Variants in ZRANB3 observed in about 807,000 individuals in gnomAD.
ZRANB3 encodes the protein DNA annealing helicase and endonuclease ZRANB3.
In ZRANB3, 125 loss-of-function variants were observed where a neutral mutation model predicts 133.8. That is an observed-to-expected ratio of 0.93 (90% CI 0.81 to 1.08). ZRANB3 has a LOEUF of 1.08. ZRANB3 is among the 50% of genes least tolerant of loss of function. The pLI, the probability that ZRANB3 is intolerant of heterozygous loss-of-function variation, is 0.00. For missense variants in ZRANB3, 1,229 were observed against 1,275.5 expected, an observed-to-expected ratio of 0.96 and a Z score of 0.56; for synonymous variants, 387 against 432.7, an observed-to-expected ratio of 0.89 and a Z score of 1.31.
At chr2:135,213,891 A>G (rs1156451010) in intron 17 of ZRANB3, among the ~76,000 whole-genome samples, 1 of 152,186 alleles carries the variant, frequency 6.6e-6, no homozygotes, top group Admixed American at 6.5e-5. Context: ...TAAAAGCAGA[A>G]GACGAAGGCA....
At chr2:135,228,131 C>A in intron 13 of ZRANB3, 116 bp from the exon 14 acceptor site, 1 of 897,906 alleles carries the variant, frequency 1.1e-6, no homozygotes, top group South Asian at 1.9e-5. Context: ...TTCATATGTT[C>A]AAAACATTTA....
intron 12 of ZRANB3, among the ~76,000 whole-genome samples, chr2:135,242,671 T>C (rs973851598): frequency 6.6e-6 from 1 of 152,158 alleles, no homozygotes; most frequent in Admixed American, 6.5e-5. Context: ...TCCTCTATCT[T>C]ATCTTTCTAG....
chr2:135,217,407 T>G (rs1283106220), intron 17 of ZRANB3, 58 bp downstream of exon 17: 2 of 1,478,032 alleles, frequency 1.4e-6, no homozygotes, highest in African/African-American at 1.4e-5. Flanking sequence ...CAGACCCCCC[T>G]GTAGAAAGAA....
Position 135,390,832 on chromosome 2 carries a change from A to T in ZRANB3, c.162-12T>A, listed in dbSNP as rs2043758. On this transcript the variant is annotated splice_polypyrimidine_tract_variant and intron_variant, in intron 2 of 20. Transcript: ENST00000264159. ...CAGCCACCATACACCTGGAAAAAAA[A>T]AAAAAAAAAAATTAATTATCAGAGT... 136,330 of 1,496,866 alleles carry T rather than the reference A, an allele frequency of 0.091. 7,723 individuals are homozygous for T. Among genetic ancestry groups the T allele is most frequent in the South Asian group, 0.27 (20,077 of 75,506 alleles). 92.7% of individuals were successfully genotyped at this position (1,496,866 alleles called of 1,614,324 possible). A position where few individuals can be genotyped will look rare whatever the true frequency, so the allele number is the denominator to read the frequency against.
At chr2:135,444,832 C>T (rs1347215160) in intron 2 of ZRANB3, among the ~76,000 whole-genome samples, 5 of 151,990 alleles carry the variant, frequency 3.3e-5, no homozygotes, top group Admixed American at 1.3e-4. Context: ...GCTATTAAAG[C>T]GGTAGGCGTG....
intron 2 of ZRANB3, among the ~76,000 whole-genome samples, chr2:135,401,349 GT>G (rs1687721181): frequency 6.6e-6 from 1 of 152,206 alleles, no homozygotes; most frequent in African/African-American, 2.4e-5. Context: ...CAAAGTTGAT[GT>G]GATCTTTATG....
At chr2:135,389,867 G>T (rs1472605601) in intron 3 of ZRANB3, among the ~76,000 whole-genome samples, 5 of 146,934 alleles carry the variant, frequency 3.4e-5, no homozygotes, top group Admixed American at 2.0e-4. Flanking sequence ...TGTATGTTTT[G>T]CTGTTATTCT....
chr2:135,349,434 A>G (rs1010759362), intron 5 of ZRANB3, among the ~76,000 whole-genome samples: 3 of 152,208 alleles, frequency 2.0e-5, no homozygotes, highest in African/African-American at 7.2e-5. Context: ...CATTCCACGT[A>G]CTACCCATCT....
intron 12 of ZRANB3, among the ~76,000 whole-genome samples, chr2:135,233,701 T>C (rs568558991): frequency 5.9e-5 from 9 of 152,266 alleles, no homozygotes; most frequent in African/African-American, 1.9e-4. Context: ...CTAAGCTTCA[T>C]AAGTGAAGGA....
intron 16 of ZRANB3, among the ~76,000 whole-genome samples, chr2:135,218,555 A>G (rs1034039648): frequency 6.6e-6 from 1 of 152,092 alleles, no homozygotes; most frequent in Non-Finnish European, 1.5e-5. Context: ...AAAATAGCAC[A>G]CAGCATGCTA....
At chr2:135,240,776 C>A (rs1420068000) in intron 12 of ZRANB3, among the ~76,000 whole-genome samples, 1 of 152,032 alleles carries the variant, frequency 6.6e-6, no homozygotes, top group Non-Finnish European at 1.5e-5. Context: ...GATTGAGTTT[C>A]AACATGTTGC....
chr2:135,398,203 C>T (rs1403317568), intron 2 of ZRANB3, among the ~76,000 whole-genome samples: 1 of 151,808 alleles, frequency 6.6e-6, no homozygotes, highest in Admixed American at 6.6e-5. Flanking sequence ...GTAGCTGGGA[C>T]TATAGGTGCC....
chr2:135,343,030 A>C lies in ZRANB3; in HGVS notation c.677+2520T>G, dbSNP rs1255134845. 2.1e-4 allele frequency among the ~76,000 whole-genome samples: 31 copies of C among 146,226 alleles called. 1 individual carries two copies. Among genetic ancestry groups the C allele is most frequent in the African/African-American group, 8.3e-4 (31 of 37,270 alleles). On this transcript the variant is annotated intron_variant, in intron 6 of 20. Transcript: ENST00000264159. ...AAATCCAAAAAAAAAAAAAAAAAAA[A>C]AAAAACATTAGCAGGGCATGGCAGC...
chr2:135,495,105 G>GT (rs1179032290), intron 2 of ZRANB3, among the ~76,000 whole-genome samples: 9 of 152,114 alleles, frequency 5.9e-5, no homozygotes, highest in African/African-American at 2.2e-4. Context: ...GTGTGCACCT[G>GT]TAATACTAGC....
At chr2:135,234,624 G>T (rs1348396843) in intron 12 of ZRANB3, among the ~76,000 whole-genome samples, 1 of 152,156 alleles carries the variant, frequency 6.6e-6, no homozygotes, top group African/African-American at 2.4e-5. Flanking sequence ...TAGAACTCAG[G>T]ATTAAGAAAC....
intron 13 of ZRANB3, among the ~76,000 whole-genome samples, chr2:135,229,929 A>T (rs1018102479): frequency 2.6e-5 from 4 of 152,178 alleles, no homozygotes; most frequent in African/African-American, 9.7e-5. Context: ...TATATTTATG[A>T]TTTCTGACTT....
chr2:135,240,741 G>C (rs1375236231), intron 12 of ZRANB3, among the ~76,000 whole-genome samples: 1 of 151,940 alleles, frequency 6.6e-6, no homozygotes, highest in South Asian at 2.1e-4. Flanking sequence ...ACCATGCCTG[G>C]CTAATTTTTG....
At chr2:135,425,511 G>A (rs1689025147) in intron 2 of ZRANB3, among the ~76,000 whole-genome samples, 1 of 152,144 alleles carries the variant, frequency 6.6e-6, no homozygotes, top group Admixed American at 6.6e-5. Context: ...TAGGCTACAT[G>A]GCTCTGCTGT....
chr2:135,360,121 G>A (rs1685605435), intron 3 of ZRANB3, among the ~76,000 whole-genome samples: 1 of 152,182 alleles, frequency 6.6e-6, no homozygotes. Flanking sequence ...GCTCACACCT[G>A]TAATCCCAGC....
Sources: allele counts gnomAD v4.1 joint callset (sites outside exome capture counted in the v4.1 genomes callset), GRCh38; gene constraint gnomAD v4.1.1; transcripts MANE v1.5; gene names NCBI Gene and HGNC (gene_info 2026-07-23, HGNC 2026-07-21).